Variants in ZNF148 observed in about 807,000 individuals in gnomAD.
ZNF148 encodes zinc finger protein 148.
ZNF148 carries 7 observed loss-of-function variants against 67.7 expected under a neutral mutation model. That is an observed-to-expected ratio of 0.10 (90% CI 0.06 to 0.19). ZNF148 has a LOEUF of 0.19. ZNF148 is among the 10% of genes least tolerant of loss of function. The pLI, the probability that ZNF148 is intolerant of heterozygous loss-of-function variation, is 1.00. For missense variants in ZNF148, 583 were observed against 947.1 expected, an observed-to-expected ratio of 0.62 and a Z score of 5.05; for synonymous variants, 333 against 330.7, an observed-to-expected ratio of 1.01 and a Z score of -0.08.
At chr3:125,337,315 T>G (rs1224165670) in intron 1 of ZNF148, among the ~76,000 whole-genome samples, 1 of 152,180 alleles carries the variant, frequency 6.6e-6, no homozygotes, top group Non-Finnish European at 1.5e-5. Context: ...TTTTATAAAC[T>G]TTAAACTACT....
chr3:125,231,856 T>G lies in ZNF148; in HGVS notation c.*485A>C, dbSNP rs1161450711. On this transcript the variant is annotated 3_prime_UTR_variant, in exon 9 of 9. Coordinates refer to ENST00000360647, the MANE Select transcript of ZNF148 (RefSeq NM_021964.3). ...TGGTTTCTTGGTTTTTTTCCCCCTATAGGACACACTAATTTATTTAAGCCA... is the reference window on the plus strand; with the variant it reads ...TGGTTTCTTGGTTTTTTTCCCCCTAGAGGACACACTAATTTATTTAAGCCA... 2 of 154,492 alleles carry G rather than the reference T, an allele frequency of 1.3e-5. No individual in the cohort carries two copies. The highest frequency in any genetic ancestry group is 2.9e-5 in the Non-Finnish European group (2 of 69,284). The allele number at this position is 154,492 out of a possible 1,614,324, so 9.6% of individuals were successfully genotyped here.
At chr3:125,246,957 T>C (rs1224472348) in intron 7 of ZNF148, among the ~76,000 whole-genome samples, 1 of 152,184 alleles carries the variant, frequency 6.6e-6, no homozygotes, top group Admixed American at 6.5e-5. Context: ...AGAACCCATA[T>C]ACTATGCAGG....
chr3:125,369,929 G>A (rs1257381265), intron 1 of ZNF148, among the ~76,000 whole-genome samples: 5 of 148,644 alleles, frequency 3.4e-5, no homozygotes, highest in Non-Finnish European at 6.0e-5. Context: ...CCAGCAGTGA[G>A]CTGAGATCGC....
chr3:125,286,048 T>C (rs973591300), intron 5 of ZNF148, among the ~76,000 whole-genome samples: 9 of 151,574 alleles, frequency 5.9e-5, no homozygotes, highest in African/African-American at 2.2e-4. Context: ...AAGAAGAGAG[T>C]ACACTTGAAA....
intron 7 of ZNF148, among the ~76,000 whole-genome samples, chr3:125,251,874 G>A (rs558684302): frequency 3.7e-4 from 56 of 152,282 alleles, no homozygotes; most frequent in African/African-American, 1.3e-3. Flanking sequence ...ACAGATTACC[G>A]AAGTGGATGC....
At chr3:125,325,835 G>A (rs560513666) in intron 2 of ZNF148, among the ~76,000 whole-genome samples, 42 of 152,112 alleles carry the variant, frequency 2.8e-4, no homozygotes, top group Non-Finnish European at 5.3e-4. Context: ...TGAATTTCAA[G>A]TAGGAAAATA....
intron 4 of ZNF148, among the ~76,000 whole-genome samples, chr3:125,299,758 G>A (rs554769662): frequency 6.6e-6 from 1 of 152,094 alleles, no homozygotes; most frequent in South Asian, 2.1e-4. Flanking sequence ...ACCAGGAAAG[G>A]AATAGCACTC....
chr3:125,272,007 C>A (rs751594997), intron 7 of ZNF148, among the ~76,000 whole-genome samples: 2 of 152,202 alleles, frequency 1.3e-5, no homozygotes, highest in Non-Finnish European at 2.9e-5. Flanking sequence ...TCCTTCAGTA[C>A]ACTGTAGATT....
intron 1 of ZNF148, among the ~76,000 whole-genome samples, chr3:125,351,394 A>AAAAAAAAAAAAAAAAAAT: frequency 6.7e-6 from 1 of 150,330 alleles, no homozygotes. Flanking sequence ...AAAAAAAAAA[A>AAAAAAAAAAAAAAAAAAT]AAAAAAAAAA....
At chr3:125,276,341 A>T (rs2107603354) in intron 7 of ZNF148, among the ~76,000 whole-genome samples, 1 of 152,302 alleles carries the variant, frequency 6.6e-6, no homozygotes, top group East Asian at 1.9e-4. Context: ...AACTGAAACT[A>T]GTAATGTGCA....
intron 2 of ZNF148, among the ~76,000 whole-genome samples, chr3:125,326,616 T>C (rs1376150270): frequency 1.3e-5 from 2 of 149,968 alleles, no homozygotes; most frequent in Non-Finnish European, 3.0e-5. Context: ...GATACATATA[T>C]ATATAAAGGA....
At chr3:125,318,911 T>C (rs909538566) in intron 3 of ZNF148, among the ~76,000 whole-genome samples, 4 of 152,020 alleles carry the variant, frequency 2.6e-5, no homozygotes, top group Non-Finnish European at 5.9e-5. Context: ...CTCATCACCA[T>C]CCCTCTGCGA....
intron 5 of ZNF148, among the ~76,000 whole-genome samples, chr3:125,286,518 A>T (rs1404872559): frequency 6.6e-6 from 1 of 152,196 alleles, no homozygotes; most frequent in African/African-American, 2.4e-5. Flanking sequence ...CCAAAAGTTC[A>T]CACCCTTTGA....
chr3:125,353,987 A>C (rs1223671712), intron 1 of ZNF148, among the ~76,000 whole-genome samples: 5 of 152,184 alleles, frequency 3.3e-5, no homozygotes, highest in African/African-American at 1.2e-4. Context: ...ATTAATTGCT[A>C]TATGAGAGTT....
intron 1 of ZNF148, among the ~76,000 whole-genome samples, chr3:125,364,354 G>A (rs1021873989): frequency 2.0e-5 from 3 of 151,878 alleles, no homozygotes; most frequent in African/African-American, 7.3e-5. Context: ...AGCAGACATC[G>A]CACCACTCCA....
chr3:125,289,280 T>C (rs908314113), intron 4 of ZNF148, among the ~76,000 whole-genome samples: 1 of 152,136 alleles, frequency 6.6e-6, no homozygotes, highest in Non-Finnish European at 1.5e-5. Context: ...GGAAAACAGC[T>C]ATGTAGAAGA....
chr3:125,294,418 T>G (rs1272114589), intron 4 of ZNF148, among the ~76,000 whole-genome samples: 2 of 152,170 alleles, frequency 1.3e-5, no homozygotes, highest in Non-Finnish European at 2.9e-5. Flanking sequence ...GTTACATAAG[T>G]TTTAACATTA....
chr3:125,268,670 G>A (rs539237013), intron 7 of ZNF148, among the ~76,000 whole-genome samples: 13 of 152,056 alleles, frequency 8.5e-5, no homozygotes, highest in African/African-American at 4.8e-5. Flanking sequence ...ACTAAGTCCC[G>A]CAATTGCAAC....
At chr3:125,252,512 A>G (rs995783384) in intron 7 of ZNF148, among the ~76,000 whole-genome samples, 6 of 152,234 alleles carry the variant, frequency 3.9e-5, no homozygotes, top group African/African-American at 1.4e-4. Flanking sequence ...CAGGCCTGGT[A>G]GCTCACGCCT....
Sources: allele counts gnomAD v4.1 joint callset (sites outside exome capture counted in the v4.1 genomes callset), GRCh38; gene constraint gnomAD v4.1.1; transcripts MANE v1.5; gene names NCBI Gene and HGNC (gene_info 2026-07-23, HGNC 2026-07-21).